The following MTG2 variants were observed in gnomAD, a reference collection of about 807,000 sequenced individuals.
The protein encoded by MTG2 is mitochondrial ribosome-associated GTPase 2.
In MTG2, 23 loss-of-function variants were observed where a neutral mutation model predicts 28.6. The ratio of observed to expected loss-of-function variants is 0.80; its 90% CI spans 0.58 to 1.14. The LOEUF is 1.14. Among genes scored for constraint, MTG2 ranks in the 50% most tolerant of loss-of-function variants. MTG2 has a pLI of 0.00. For missense variants in MTG2, 539 were observed against 552.0 expected (o/e 0.98, Z 0.24); for synonymous variants, 260 against 251.8 (o/e 1.03, Z -0.31).
intron 1 of MTG2, among the ~76,000 whole-genome samples, chr20:62,183,560 A>G (rs894645149): frequency 6.6e-5 from 10 of 152,252 alleles, no homozygotes; most frequent in Admixed American, 2.6e-4. Flanking sequence ...AGGGAGACGC[A>G]TTTCCAGATA....
At chr20:62,197,013 CAA>C (rs2058071465) in intron 3 of MTG2, among the ~76,000 whole-genome samples, 1 of 151,616 alleles carries the variant, frequency 6.6e-6, no homozygotes, top group African/African-American at 2.4e-5. Flanking sequence ...GCCTCGGCAA[CAA>C]GAGTGAAACT....
In MTG2 at chr20:62,193,465, T is replaced by C; in HGVS notation, c.45T>C (p.Phe15=). The C allele has an allele frequency of 6.2e-7, 1 of 1,614,206 alleles. No homozygotes were observed. Among genetic ancestry groups the C allele is most frequent in the Non-Finnish European group, 8.5e-7 (1 of 1,180,026 alleles). ...RCFSARLRTV[F]QGVGHWALST... ...TCTCAGCAAGATTGAGGACCGTGTTTCAGGGCGTGGGGCATTGGGCTTTGT... is the reference window on the plus strand; with the variant it reads ...TCTCAGCAAGATTGAGGACCGTGTTCCAGGGCGTGGGGCATTGGGCTTTGT... The change falls in exon 2 of 7, where the codon TTT becomes TTC. Residue 15 remains phenylalanine (F), a synonymous_variant. Coordinates refer to ENST00000370823, the MANE Select transcript of MTG2 (RefSeq NM_015666.4).
intron 3 of MTG2, 192 bp from the exon 4 acceptor site, chr20:62,197,659 TG>T: frequency 1.7e-6 from 1 of 571,454 alleles, no homozygotes; most frequent in South Asian, 2.2e-5. Context: ...TTTTCAGAAA[TG>T]ATAGCACTTT....
intron 6 of MTG2, 80 bp from the exon 7 acceptor site, chr20:62,200,603 T>G (rs1163474108): frequency 6.7e-7 from 1 of 1,490,100 alleles, no homozygotes; most frequent in East Asian, 2.3e-5. Context: ...AGGCCTTCTC[T>G]CCCAGGCTCG....
intron 1 of MTG2, among the ~76,000 whole-genome samples, chr20:62,187,909 T>C (rs940736390): frequency 6.6e-6 from 1 of 152,200 alleles, no homozygotes. Context: ...TTTAGATCTT[T>C]CTTCTTTACC....
intron 1 of MTG2, among the ~76,000 whole-genome samples, chr20:62,187,628 A>T (rs986605069): frequency 2.0e-5 from 3 of 152,214 alleles, no homozygotes; most frequent in African/African-American, 4.8e-5. Flanking sequence ...TGCTGGCATG[A>T]AGTCGTTCCC....
intron 1 of MTG2, among the ~76,000 whole-genome samples, chr20:62,185,544 C>G (rs2057825967): frequency 6.6e-6 from 1 of 151,722 alleles, no homozygotes; most frequent in Non-Finnish European, 1.5e-5. Flanking sequence ...CGCTGAAGCA[C>G]AAGAATTGCT....
intron 1 of MTG2, among the ~76,000 whole-genome samples, chr20:62,190,302 C>T (rs746208319): frequency 6.6e-6 from 1 of 152,206 alleles, no homozygotes; most frequent in Non-Finnish European, 1.5e-5. Context: ...TGGATTACTT[C>T]TGTGCGCGTT....
chr20:62,183,834 G>A (rs1361000304), intron 1 of MTG2, among the ~76,000 whole-genome samples: 1 of 152,244 alleles, frequency 6.6e-6, no homozygotes, highest in Non-Finnish European at 1.5e-5. Flanking sequence ...TTAGCAGAGA[G>A]AACGTAGCGA....
Position 62,197,961 on chromosome 20 carries a change from C to T in MTG2, c.462C>T (p.Tyr154=). ...TCGGGCGCAGTGGCGCCGTCCTCTA[C>T]ATCCGGGTGAGCCGAGACTGCCGGA... ...NCFGRSGAVL[Y]IRVPVGTLVK... is the part of the protein sequence containing the mutation. The change falls in exon 4 of 7, where the codon TAC becomes TAT. Residue 154 remains tyrosine, a synonymous_variant. Transcript: ENST00000370823. 6.2e-7 allele frequency: 1 copy of T among 1,613,630 alleles called. No individual in the cohort carries two copies. The highest frequency in any genetic ancestry group is 8.5e-7 in the Non-Finnish European group (1 of 1,179,592).
Position 62,190,093 on chromosome 20 carries a change from C to G in MTG2, c.-5-3323C>G, listed in dbSNP as rs78375141. On this transcript the variant is annotated intron_variant, in intron 1 of 6. Coordinates refer to ENST00000370823, the MANE Select transcript of MTG2 (RefSeq NM_015666.4). ...TTGGAATTGTTGGGCTAGTTCTGAG[C>G]ATTTCATTTATCTGTTGGCTTTTCG... 7.0e-4 allele frequency among the ~76,000 whole-genome samples: 106 copies of G among 152,286 alleles called. 1 individual carries two copies. In the East Asian group the frequency reaches 0.015, roughly 22 times the overall value.
chr20:62,183,332 C>T (rs1409154393), intron 1 of MTG2, among the ~76,000 whole-genome samples: 2 of 152,194 alleles, frequency 1.3e-5, no homozygotes, highest in Admixed American at 6.5e-5. Flanking sequence ...GTTTTGGGGT[C>T]AGAAGTCTTG....
At chr20:62,193,871 T>C in intron 2 of MTG2, 1 of 511,718 alleles carries the variant, frequency 2.0e-6, no homozygotes, top group South Asian at 2.4e-5. Flanking sequence ...AGGCTGCTCA[T>C]TTTCCCATGA....
At chr20:62,186,521 T>TG (rs1393544121) in intron 1 of MTG2, among the ~76,000 whole-genome samples, 1 of 107,554 alleles carries the variant, frequency 9.3e-6, no homozygotes, top group Non-Finnish European at 2.0e-5. Context: ...CTGGGACTTT[T>TG]TTTTTTGTTT....
chr20:62,189,970 A>G (rs2057924227), intron 1 of MTG2, among the ~76,000 whole-genome samples: 1 of 152,158 alleles, frequency 6.6e-6, no homozygotes, highest in Non-Finnish European at 1.5e-5. Context: ...GCCAACATTA[A>G]CATTTAATGA....
chr20:62,183,591 T>TTC (rs1424935105), intron 1 of MTG2, among the ~76,000 whole-genome samples: 1 of 152,238 alleles, frequency 6.6e-6, no homozygotes, highest in Admixed American at 6.5e-5. Flanking sequence ...CGTGGCTGGC[T>TTC]TCTGCCCAGT....
At chr20:62,185,489 T>G (rs921262602) in intron 1 of MTG2, among the ~76,000 whole-genome samples, 3 of 151,798 alleles carry the variant, frequency 2.0e-5, no homozygotes, top group Admixed American at 2.0e-4. Flanking sequence ...GTACACAAAT[T>G]AGCTGAGCGT....
intron 2 of MTG2, 130 bp from the exon 3 acceptor site, chr20:62,195,672 T>C: frequency 2.7e-6 from 3 of 1,094,658 alleles, no homozygotes; most frequent in Non-Finnish European, 3.9e-6. Context: ...TGATTAGCAA[T>C]ATTAGTGTCA....
In MTG2 at chr20:62,197,938, G is replaced by A. The variant is rs755686028; in HGVS notation, c.439G>A (p.Gly147Arg). The A allele has an allele frequency of 1.9e-5, 31 of 1,613,970 alleles. No individual in the cohort carries two copies. The highest frequency in any genetic ancestry group is 4.0e-5 in the African/African-American group (3 of 74,932). Residue 147 changes from glycine to arginine, a missense_variant, in exon 4 of 7, where the codon GGG (glycine) becomes AGG (arginine). Gly to Arg is a moderately radical substitution (Grantham distance 125, BLOSUM62 -2). Transcript: ENST00000370823. ...AGATGGAGGGAGTAAAAACTGCTTC[G>A]GGCGCAGTGGCGCCGTCCTCTACAT... is the stretch of plus-strand genomic sequence containing the variant. The part of the protein sequence containing the change: ...GEDGGSKNCF[G>R]RSGAVLYIRV...
Sources: allele counts gnomAD v4.1 joint callset (sites outside exome capture counted in the v4.1 genomes callset), GRCh38; gene constraint gnomAD v4.1.1; transcripts MANE v1.5; gene names NCBI Gene and HGNC (gene_info 2026-07-23, HGNC 2026-07-21).